KANK1: variants seen among roughly 807,000 people sequenced by gnomAD.
KANK1 encodes the protein KN motif and ankyrin repeat domain-containing protein 1.
Under a neutral mutation model 106.2 loss-of-function variants are expected in KANK1, and 109 were observed. The observed-to-expected ratio is 1.03, with a 90% confidence interval of 0.88 to 1.20. The LOEUF is 1.20. KANK1 is among the 50% of genes most tolerant of loss of function. The pLI, the probability that KANK1 is intolerant of heterozygous loss-of-function variation, is 0.00. For missense variants in KANK1, 2,399 were observed against 1,710.7 expected (o/e 1.40, Z -7.10); for synonymous variants, 873 against 652.2 (o/e 1.34, Z -5.16).
chr9:515,624 A>G (rs1026837927), intron 1 of KANK1, among the ~76,000 whole-genome samples: 1 of 151,718 alleles, frequency 6.6e-6, no homozygotes, highest in African/African-American at 2.4e-5. Flanking sequence ...AACTCAGTCT[A>G]TTTATTTTTG....
At chr9:662,145 A>G (rs1563945675) in intron 1 of KANK1, among the ~76,000 whole-genome samples, 1 of 152,082 alleles carries the variant, frequency 6.6e-6, no homozygotes, top group Non-Finnish European at 1.5e-5. Flanking sequence ...CTTCAAGGAG[A>G]AGTACAAACC....
At chr9:741,063 C>A in intron 9 of KANK1, 129 bp downstream of exon 9, 2 of 998,378 alleles carry the variant, frequency 2.0e-6, no homozygotes, top group Non-Finnish European at 2.9e-6. Flanking sequence ...CAGGCCTGCC[C>A]TGAGTCCATA....
chr9:640,048 T>C (rs1838042700), intron 1 of KANK1, among the ~76,000 whole-genome samples: 1 of 152,148 alleles, frequency 6.6e-6, no homozygotes, highest in Non-Finnish European at 1.5e-5. Flanking sequence ...TTGAGAACCA[T>C]AGCAGTCTCT....
At chr9:735,005 C>CA (rs773088632) in intron 7 of KANK1, among the ~76,000 whole-genome samples, 170 bp downstream of exon 7, 158 of 152,320 alleles carry the variant, frequency 1.0e-3, no homozygotes, top group Non-Finnish European at 1.9e-3. Flanking sequence ...CCCTGGATCA[C>CA]ACTGCCAGCG....
At chr9:735,190 C>G (rs1833439590) in intron 7 of KANK1, among the ~76,000 whole-genome samples, 1 of 152,100 alleles carries the variant, frequency 6.6e-6, no homozygotes, top group Admixed American at 6.5e-5. Context: ...GAGCAGCATC[C>G]AAGAATTTTT....
In KANK1 at chr9:713,019, A is replaced by G. The variant is rs907497800; in HGVS notation, c.2253A>G (p.Pro751=). The part of the protein sequence containing the change: ...LLSGHSGFDR[P]SAVKTKESGV... ...CTGGCCATTCTGGGTTTGACAGGCC[A>G]TCAGCTGTGAAGACCAAAGAGTCAG... Residue 751 remains proline (P), a synonymous_variant, in exon 3 of 12, where the codon CCA becomes CCG. Transcript: ENST00000382297. The G allele has an allele frequency of 2.5e-6, 4 of 1,614,210 alleles. No individual in the cohort carries two copies. In the Admixed American group the frequency reaches 6.7e-5, roughly 27 times the overall value.
chr9:563,798 C>T (rs1817110390), intron 1 of KANK1, among the ~76,000 whole-genome samples: 1 of 152,112 alleles, frequency 6.6e-6, no homozygotes, highest in Non-Finnish European at 1.5e-5. Context: ...TTCAGTTCAG[C>T]CCGGATAGTT....
intron 1 of KANK1, among the ~76,000 whole-genome samples, chr9:648,219 G>A (rs1840131095): frequency 1.4e-5 from 2 of 143,010 alleles, no homozygotes; most frequent in East Asian, 1.9e-4. Context: ...GGTAAGGATG[G>A]TCTCAATCTC....
intron 1 of KANK1, among the ~76,000 whole-genome samples, chr9:585,765 CTA>C (rs1471115379): frequency 1.3e-5 from 2 of 151,972 alleles, no homozygotes; most frequent in Admixed American, 6.6e-5. Context: ...TAAGAAAAGT[CTA>C]TGGGGAACTG....
chr9:540,097 A>G (rs896764250), intron 1 of KANK1, among the ~76,000 whole-genome samples: 3 of 152,218 alleles, frequency 2.0e-5, no homozygotes, highest in African/African-American at 7.2e-5. Flanking sequence ...AAGAGTGGGC[A>G]TCCTGTTTTG....
At chr9:558,904 C>T (rs1563767651) in intron 1 of KANK1, 1 of 151,924 alleles carries the variant, frequency 6.6e-6, no homozygotes, top group African/African-American at 2.4e-5. Context: ...AAGGATGACA[C>T]AAATTCGTGA....
At chr9:685,927 T>C (rs193118648) in intron 2 of KANK1, among the ~76,000 whole-genome samples, 24 of 152,336 alleles carry the variant, frequency 1.6e-4, no homozygotes, top group Admixed American at 1.6e-3. Context: ...CCCAGTTTAC[T>C]GAGTGCCTTT....
chr9:723,535 G>A (rs1212789964), intron 3 of KANK1, among the ~76,000 whole-genome samples: 1 of 152,122 alleles, frequency 6.6e-6, no homozygotes, highest in Non-Finnish European at 1.5e-5. Context: ...CAAGGTGGGA[G>A]GATTGCTTGA....
chr9:592,592 A>G (rs142204581), intron 1 of KANK1, among the ~76,000 whole-genome samples: 1 of 151,920 alleles, frequency 6.6e-6, no homozygotes. Context: ...GAAGAAATGA[A>G]TCAATATTAC....
In KANK1 at chr9:675,801, A is replaced by G. The variant is rs1248461132; in HGVS notation, c.-83-1089A>G. 2.0e-5 allele frequency among the ~76,000 whole-genome samples: 3 copies of G among 152,236 alleles called. No homozygotes were observed. The East Asian group carries it at 5.8e-4, about 29-fold the overall frequency. The stretch of plus-strand genomic sequence containing the variant: ...AAGGAATAAAGAATGGCTACTCCAT[A>G]GGCAGAGCAGGAGCGTAGGCTGCTC... On this transcript the variant is annotated intron_variant, in intron 1 of 11. Coordinates refer to ENST00000382297, the MANE Select transcript of KANK1 (RefSeq NM_015158.5).
intron 1 of KANK1, among the ~76,000 whole-genome samples, chr9:551,092 G>A (rs1261705445): frequency 1.3e-5 from 2 of 151,958 alleles, no homozygotes; most frequent in African/African-American, 2.4e-5. Flanking sequence ...GATGTGGGTT[G>A]GGGTGTCAAT....
intron 1 of KANK1, among the ~76,000 whole-genome samples, chr9:658,118 C>G (rs1842536057): frequency 1.3e-5 from 2 of 152,136 alleles, no homozygotes; most frequent in African/African-American, 2.4e-5. Flanking sequence ...GTGAAATCCT[C>G]TATGTGAAAT....
intron 1 of KANK1, among the ~76,000 whole-genome samples, chr9:552,896 G>A (rs1214600925): frequency 6.6e-6 from 1 of 152,186 alleles, no homozygotes; most frequent in Admixed American, 6.5e-5. Context: ...TGTAATCCTA[G>A]GACTTTGGGA....
intron 3 of KANK1, among the ~76,000 whole-genome samples, chr9:725,064 G>A (rs1196578986): frequency 6.6e-6 from 1 of 152,176 alleles, no homozygotes; most frequent in Non-Finnish European, 1.5e-5. Flanking sequence ...TGAGGAGGAA[G>A]TTGGAGTTGT....
Sources: gnomAD v4.1 joint callset for allele counts (sites outside exome capture counted in the v4.1 genomes callset) on GRCh38, gnomAD v4.1.1 for gene constraint, MANE v1.5 for transcripts, NCBI Gene and HGNC (gene_info 2026-07-23, HGNC 2026-07-21) for gene names.